ANK2: variants seen among roughly 807,000 people sequenced by gnomAD.
ANK2 encodes ankyrin 2, also known as ankyrin-2.
ANK2 carries 83 observed loss-of-function variants against 360.5 expected under a neutral mutation model. The ratio of observed to expected loss-of-function variants is 0.23; its 90% CI spans 0.19 to 0.28. The LOEUF (loss-of-function observed/expected upper bound fraction) is 0.28, where lower values mean the gene tolerates loss of function less well. Among genes scored for constraint, ANK2 ranks in the 10% least tolerant of loss-of-function variants. The pLI, the probability that ANK2 is intolerant of heterozygous loss-of-function variation, is 1.00. For missense variants in ANK2, 4,201 were observed against 4,795.7 expected, an observed-to-expected ratio of 0.88 and a Z score of 3.66; for synonymous variants, 1,740 against 1,759.5, an observed-to-expected ratio of 0.99 and a Z score of 0.28.
At position 113,357,347 on chromosome 4, in the gene ANK2, T is replaced by A. The variant is rs1299317465; in HGVS notation, c.8729T>A (p.Val2910Glu). 6.2e-7 allele frequency: 1 copy of A among 1,614,082 alleles called. No homozygotes were observed. The highest frequency in any genetic ancestry group is 1.1e-5 in the South Asian group (1 of 91,086). Residue 2910 changes from valine (V) to glutamate (E), a missense_variant, in exon 38 of 46, where the codon GTG (valine) becomes GAG (glutamate). By Grantham distance (121) the Val-to-Glu change is moderately radical (BLOSUM62 -2). Around this residue, in one of 4 missense-constraint regions of ANK2, gnomAD observed 2,642 missense variants for 2,714.5 expected, o/e 0.97. Transcript: ENST00000357077. ...QTDRFSMDVP[V>E]SDLAENDEIY... is the part of the protein sequence containing the mutation. ...GATAGATTTTCCATGGATGTTCCCGTGTCTGACCTAGCTGAGAATGATGAA... is the reference window on the plus strand; with the variant it reads ...GATAGATTTTCCATGGATGTTCCCGAGTCTGACCTAGCTGAGAATGATGAA...
chr4:112,747,473 G>A, the ANK2 span, among the ~76,000 whole-genome samples: 2 of 152,132 alleles, frequency 1.3e-5, no homozygotes, highest in African/African-American at 2.4e-5. Context: ...GTGCATAATT[G>A]GTTAGCTGAA....
intron 1 of ANK2, among the ~76,000 whole-genome samples, chr4:113,066,415 C>T (rs1048755085): frequency 1.4e-4 from 22 of 152,080 alleles, no homozygotes; most frequent in African/African-American, 4.6e-4. Flanking sequence ...GACCAGACAC[C>T]GTGCCAAATA....
chr4:112,756,682 A>G, the ANK2 span, among the ~76,000 whole-genome samples: 1 of 152,342 alleles, frequency 6.6e-6, no homozygotes, highest in East Asian at 1.9e-4. Context: ...GGCTGGAAAA[A>G]TATTGAAAAA....
chr4:113,127,631 G>A (rs2095744178), intron 1 of ANK2, among the ~76,000 whole-genome samples: 1 of 152,160 alleles, frequency 6.6e-6, no homozygotes, highest in African/African-American at 2.4e-5. Context: ...CTCAGAGGTT[G>A]AACATAGAAG....
chr4:113,237,546 A>G, intron 6 of ANK2, 53 bp from the exon 7 acceptor site: 1 of 1,547,992 alleles, frequency 6.5e-7, no homozygotes, highest in South Asian at 1.1e-5. Context: ...CTGTTTCCAT[A>G]ATTTTGCATT....
intron 1 of ANK2, among the ~76,000 whole-genome samples, chr4:112,887,559 G>A (rs1408314650): frequency 3.3e-5 from 5 of 152,106 alleles, no homozygotes; most frequent in Admixed American, 3.3e-4. Context: ...AAAGATATGT[G>A]TTTCATATTT....
rs1564069742 is a variant in ANK2 at position 113,359,293 on chromosome 4, G to A, written c.10675G>A (p.Ala3559Thr). Residue 3559 changes from alanine (A) to threonine (T), a missense_variant, in exon 38 of 46, where the codon GCT (alanine) becomes ACT (threonine). Physicochemically the swap from Ala to Thr is moderately conservative, Grantham distance 58. Coordinates refer to ENST00000357077, the MANE Select transcript of ANK2 (RefSeq NM_001148.6). Reference protein sequence around the residue: ...RIPDENGHDHAEDPQDEQERI... With the variant: ...RIPDENGHDHTEDPQDEQERI... ...CCCTGATGAAAATGGCCATGACCAT[G>A]CTGAAGGTATTTGCCAGCCACCGGG... 1 of 1,613,752 alleles carries A rather than the reference G, an allele frequency of 6.2e-7. No homozygotes were observed. The highest frequency in any genetic ancestry group is 8.5e-7 in the Non-Finnish European group (1 of 1,179,866).
intron 1 of ANK2, chr4:112,826,904 T>A: frequency 6.6e-7 from 1 of 1,520,600 alleles, no homozygotes; most frequent in Non-Finnish European, 9.1e-7. Context: ...TCAACCTTAA[T>A]GAAGAAAATG....
At chr4:113,315,504 C>T (rs111678419) in intron 24 of ANK2, among the ~76,000 whole-genome samples, 16 of 152,226 alleles carry the variant, frequency 1.1e-4, no homozygotes, top group African/African-American at 3.6e-4. Context: ...ACGGTTGAGC[C>T]CATAGAACAG....
intron 1 of ANK2, among the ~76,000 whole-genome samples, chr4:113,098,147 T>C (rs2091995379): frequency 6.6e-6 from 1 of 151,306 alleles, no homozygotes; most frequent in Non-Finnish European, 1.5e-5. Flanking sequence ...GCTTTTATCA[T>C]AGAAAACTAG....
chr4:113,346,316 G>C (rs987363237), intron 35 of ANK2, among the ~76,000 whole-genome samples: 6 of 152,070 alleles, frequency 3.9e-5, no homozygotes, highest in Admixed American at 2.0e-4. Context: ...AGAAAATTTG[G>C]CTTCAGATTT....
intron 19 of ANK2, among the ~76,000 whole-genome samples, chr4:113,288,050 C>T (rs2065582318): frequency 6.6e-6 from 1 of 152,172 alleles, no homozygotes; most frequent in Non-Finnish European, 1.5e-5. Flanking sequence ...GATTTTCCCT[C>T]TCTATGCCAT....
intron 1 of ANK2, among the ~76,000 whole-genome samples, chr4:113,154,873 G>T (rs6823699): frequency 0.68 from 104,019 of 151,982 alleles, 36,174 homozygotes; most frequent in African/African-American, 0.8. Flanking sequence ...ACAGCTACAT[G>T]CCAAAACCTA....
chr4:113,132,913 G>A (rs1341019044), intron 1 of ANK2, among the ~76,000 whole-genome samples: 1 of 152,134 alleles, frequency 6.6e-6, no homozygotes, highest in Non-Finnish European at 1.5e-5. Flanking sequence ...AAAGAAAAAT[G>A]TTGTGATGAT....
At position 112,922,572 on chromosome 4, in the gene ANK2, G is replaced by A. The variant is rs138260729; in HGVS notation, c.21+18058G>A. On this transcript the variant is annotated intron_variant, in intron 2 of 30. Coordinates refer to the ANK2 transcript ENST00000503271. ...ACTACAGTGCATATTCAATAATGTAGTTCTGCTAGGAAATATTTGTGATAG... is the reference window on the plus strand; with the variant it reads ...ACTACAGTGCATATTCAATAATGTAATTCTGCTAGGAAATATTTGTGATAG... Among the ~76,000 whole-genome samples the A allele has an allele frequency of 4.1e-3, 631 of 152,314 alleles. 1 individual carries two copies. The highest frequency in any genetic ancestry group is 7.0e-3 in the Non-Finnish European group (475 of 68,022).
At chr4:113,333,323 T>A (rs951407895) in intron 29 of ANK2, 115 bp downstream of exon 29, 21 of 1,339,176 alleles carry the variant, frequency 1.6e-5, no homozygotes, top group Admixed American at 5.3e-5. Flanking sequence ...TGTGTGTGTG[T>A]GTGTGTGTCC....
At chr4:113,299,486 C>A (rs915020842) in intron 22 of ANK2, among the ~76,000 whole-genome samples, 3 of 152,100 alleles carry the variant, frequency 2.0e-5, no homozygotes, top group Non-Finnish European at 4.4e-5. Flanking sequence ...AGGTGGATCA[C>A]CTGACGTCAA....
Position 113,223,187 on chromosome 4 carries a change from A to T in ANK2, c.385-8974A>T, listed in dbSNP as rs558852144. 1.4e-4 allele frequency among the ~76,000 whole-genome samples: 21 copies of T among 152,314 alleles called. No homozygotes were observed. The South Asian group carries it at 4.1e-3, about 30-fold the overall frequency. On this transcript the variant is annotated intron_variant, in intron 4 of 45. Coordinates refer to ENST00000357077, the MANE Select transcript of ANK2 (RefSeq NM_001148.6). ...AATGCTAATTCCAAGGAAGAAGAAG[A>T]TGCATAGTTTCTGGGATGGGAATTA... is the stretch of plus-strand genomic sequence containing the variant.
At chr4:113,351,728 GA>G (rs960932584) in intron 37 of ANK2, among the ~76,000 whole-genome samples, 87 of 148,318 alleles carry the variant, frequency 5.9e-4, no homozygotes, top group African/African-American at 1.7e-3. Context: ...AAAAAAAAAA[GA>G]AAAAAAAATG....
Sources: allele counts gnomAD v4.1 joint callset (sites outside exome capture counted in the v4.1 genomes callset), GRCh38; gene constraint gnomAD v4.1.1; regional missense constraint gnomAD v4.1.1; transcripts MANE v1.5; gene names NCBI Gene and HGNC (gene_info 2026-07-23, HGNC 2026-07-21).